ABHD12: variants seen among roughly 807,000 people sequenced by gnomAD.
ABHD12 encodes the protein abhydrolase domain containing 12, lysophospholipase.
A neutral mutation model predicts 58.3 loss-of-function variants in ABHD12; 43 were observed. The observed-to-expected ratio is 0.74, with a 90% CI of 0.58 to 0.95. The LOEUF (loss-of-function observed/expected upper bound fraction) is 0.95, where lower values mean the gene tolerates loss of function less well. Among genes scored for constraint, ABHD12 ranks in the 40% least tolerant of loss-of-function variants. The probability of loss-of-function intolerance (pLI) is 0.00; values close to 1 mark genes in which losing one functional copy is unlikely to be tolerated. For missense variants in ABHD12, 539 were observed against 537.2 expected (o/e 1.00, Z -0.03); for synonymous variants, 219 against 211.2 (o/e 1.04, Z -0.32).
In ABHD12 at chr20:25,337,562, T is replaced by G. The variant is rs531076256; in HGVS notation, c.316+1665A>C. On this transcript the variant is annotated intron_variant, in intron 2 of 12. Coordinates refer to ENST00000339157, the MANE Select transcript of ABHD12 (RefSeq NM_001042472.3). Reference sequence around the variant, plus strand: ...AAGAAAATCTATTCAATTCAAACATTTGCTGGGAGCCCACAATGTACCAGG... The same window carrying G: ...AAGAAAATCTATTCAATTCAAACATGTGCTGGGAGCCCACAATGTACCAGG... Among the ~76,000 whole-genome samples, 73 of 152,188 alleles carry G rather than the reference T, an allele frequency of 4.8e-4. 1 individual carries two copies. The highest frequency in any genetic ancestry group is 9.7e-4 in the Non-Finnish European group (66 of 68,036).
intron 1 of ABHD12, among the ~76,000 whole-genome samples, chr20:25,363,305 G>A (rs928038457): frequency 1.4e-5 from 2 of 145,002 alleles, no homozygotes; most frequent in African/African-American, 2.6e-5. Context: ...CACAACCTCC[G>A]CCTCCCAGGT....
At chr20:25,308,901 C>G (rs974512863) in intron 7 of ABHD12, among the ~76,000 whole-genome samples, 3 of 152,174 alleles carry the variant, frequency 2.0e-5, no homozygotes, top group Non-Finnish European at 4.4e-5. Context: ...ATGGCTGGTG[C>G]CCCCCACCCA....
rs140577225 is a variant in ABHD12 at position 25,329,005 on chromosome 20, G to A, written c.317-5575C>T. 1.5e-3 allele frequency among the ~76,000 whole-genome samples: 225 copies of A among 152,314 alleles called. 3 individuals carry two copies. Among genetic ancestry groups the A allele is most frequent in the African/African-American group, 4.8e-3 (199 of 41,568 alleles). On this transcript the variant is annotated intron_variant, in intron 2 of 12. Coordinates refer to ENST00000339157, the MANE Select transcript of ABHD12 (RefSeq NM_001042472.3). The stretch of plus-strand genomic sequence containing the variant: ...GAGATGAGTGGTGAGACGGGTTGGC[G>A]TGCGCAGGGTCACAGGATCCACCCA...
chr20:25,299,539 G>C (rs978488058), downstream of ABHD12, among the ~76,000 whole-genome samples: 3 of 152,110 alleles, frequency 2.0e-5, no homozygotes, highest in Non-Finnish European at 4.4e-5. Flanking sequence ...CCCAGGTAGA[G>C]TGGGTCACCT....
At chr20:25,390,161 C>A in intron 1 of ABHD12, 1 of 205,226 alleles carries the variant, frequency 4.9e-6, no homozygotes, top group Non-Finnish European at 9.7e-6. Context: ...CTCTCCCACG[C>A]GGGGTCATGA....
intron 1 of ABHD12, among the ~76,000 whole-genome samples, chr20:25,349,792 G>A (rs188888584): frequency 1.3e-5 from 2 of 152,300 alleles, no homozygotes; most frequent in African/African-American, 4.8e-5. Flanking sequence ...GTTTCTATTT[G>A]GGATGGTGAA....
At chr20:25,348,848 C>T (rs1393651035) in intron 1 of ABHD12, among the ~76,000 whole-genome samples, 5 of 151,830 alleles carry the variant, frequency 3.3e-5, no homozygotes, top group Admixed American at 1.3e-4. Context: ...TTTGGGAGGC[C>T]GAGATGGGCG....
intron 9 of ABHD12, among the ~76,000 whole-genome samples, chr20:25,307,381 GAC>G (rs2088764562): frequency 6.6e-6 from 1 of 152,280 alleles, no homozygotes; most frequent in East Asian, 1.9e-4. Context: ...AGCATGGGCT[GAC>G]ACAGGCCCGA....
At chr20:25,322,209 A>G (rs1015709746) in intron 3 of ABHD12, among the ~76,000 whole-genome samples, 2 of 151,358 alleles carry the variant, frequency 1.3e-5, no homozygotes, top group Non-Finnish European at 2.9e-5. Context: ...GGAGACACAG[A>G]GAAGTCACAA....
intron 1 of ABHD12, among the ~76,000 whole-genome samples, chr20:25,376,983 C>T (rs1568773156): frequency 6.6e-6 from 1 of 152,266 alleles, no homozygotes; most frequent in South Asian, 2.1e-4. Flanking sequence ...AGAGAGAGGG[C>T]CCCTCAGAGG....
chr20:25,334,652 A>G lies in ABHD12; in HGVS notation c.316+4575T>C, dbSNP rs1232700836. On this transcript the variant is annotated intron_variant, in intron 2 of 12. Transcript: ENST00000339157. Reference sequence around the variant, plus strand: ...ACAGAGCCCTCAGAAATAACACCGCATATCTGCAACTATCTGATCTTTGAC... The same window carrying G: ...ACAGAGCCCTCAGAAATAACACCGCGTATCTGCAACTATCTGATCTTTGAC... Among the ~76,000 whole-genome samples, 6 of 151,912 alleles carry G rather than the reference A, an allele frequency of 3.9e-5. No individual in the cohort carries two copies. In the South Asian group the frequency reaches 1.2e-3, roughly 32 times the overall value.
chr20:25,374,872 C>T (rs1321700648), intron 1 of ABHD12, among the ~76,000 whole-genome samples: 1 of 152,188 alleles, frequency 6.6e-6, no homozygotes, highest in African/African-American at 2.4e-5. Context: ...ATTGATTATT[C>T]TCTTCATTAT....
At chr20:25,300,958 C>A (rs2088625246) in intron 12 of ABHD12, 74 bp from the exon 13 acceptor site, 1 of 1,488,512 alleles carries the variant, frequency 6.7e-7, no homozygotes, top group African/African-American at 1.4e-5. Context: ...CCTCACACTG[C>A]TATCTAAGGA....
At chr20:25,334,540 C>T (rs1489617513) in intron 2 of ABHD12, among the ~76,000 whole-genome samples, 2 of 152,184 alleles carry the variant, frequency 1.3e-5, no homozygotes, top group African/African-American at 2.4e-5. Context: ...CATCACACTA[C>T]CTGGTTTCAA....
intron 1 of ABHD12, among the ~76,000 whole-genome samples, chr20:25,341,294 T>G (rs898845361): frequency 4.6e-5 from 7 of 152,242 alleles, no homozygotes; most frequent in Non-Finnish European, 1.0e-4. Flanking sequence ...CAGGGTGATC[T>G]GAGCTAGCTG....
intron 1 of ABHD12, among the ~76,000 whole-genome samples, chr20:25,342,186 G>A (rs2089463841): frequency 6.7e-6 from 1 of 150,334 alleles, no homozygotes; most frequent in Admixed American, 6.6e-5. Flanking sequence ...CCATCAATGA[G>A]TGAATGGATA....
At chr20:25,335,937 C>A (rs1322638854) in intron 2 of ABHD12, among the ~76,000 whole-genome samples, 6 of 151,090 alleles carry the variant, frequency 4.0e-5, no homozygotes, top group Non-Finnish European at 7.4e-5. Flanking sequence ...TGCACATGTA[C>A]CCTAGAATTT....
At chr20:25,336,306 TC>T (rs1247139408) in intron 2 of ABHD12, among the ~76,000 whole-genome samples, 3 of 89,838 alleles carry the variant, frequency 3.3e-5, no homozygotes, top group Non-Finnish European at 6.5e-5. Flanking sequence ...TATTCAGGGT[TC>T]TTTTTTTTTT....
In ABHD12 at chr20:25,316,999, C is replaced by T. The variant is rs1178689694; in HGVS notation, c.573+49G>A. 4.4e-6 allele frequency: 7 copies of T among 1,588,722 alleles called. No homozygotes were observed. The East Asian group carries it at 1.6e-4, about 36-fold the overall frequency. On this transcript the variant is annotated intron_variant, in intron 5 of 12. Transcript: ENST00000339157. Reference sequence around the variant, plus strand: ...TCTGGTGACTCCCTTCACTTCCTGCCCTGGAAAGAACAGCCCAGGGAACAG... The same window carrying T: ...TCTGGTGACTCCCTTCACTTCCTGCTCTGGAAAGAACAGCCCAGGGAACAG...
Sources: allele counts gnomAD v4.1 joint callset (sites outside exome capture counted in the v4.1 genomes callset), GRCh38; gene constraint gnomAD v4.1.1; transcripts MANE v1.5; gene names NCBI Gene and HGNC (gene_info 2026-07-23, HGNC 2026-07-21).